The following CADM2 variants were observed in gnomAD, a reference collection of about 807,000 sequenced individuals.
CADM2 encodes cell adhesion molecule 2, also known as immunoglobulin superfamily member 4D.
In CADM2, 12 loss-of-function variants were observed where a neutral mutation model predicts 49.8. That is an observed-to-expected ratio of 0.24 (90% confidence interval 0.15 to 0.39). CADM2 has a LOEUF of 0.39. CADM2 is among the 10% of genes least tolerant of loss of function. The probability of loss-of-function intolerance (pLI) is 1.00; values close to 1 mark genes in which losing one functional copy is unlikely to be tolerated. For missense variants in CADM2, 378 were observed against 492.3 expected (o/e 0.77, Z 2.20); for synonymous variants, 214 against 175.4 (o/e 1.22, Z -1.74).
chr3:85,498,573 T>A (rs961334517), intron 1 of CADM2, among the ~76,000 whole-genome samples: 2 of 152,314 alleles, frequency 1.3e-5, no homozygotes, highest in African/African-American at 4.8e-5. Flanking sequence ...TGAAAACCGA[T>A]GTCTGATCAT....
At chr3:85,271,979 C>CA (rs924230765) in intron 1 of CADM2, among the ~76,000 whole-genome samples, 4 of 151,200 alleles carry the variant, frequency 2.6e-5, no homozygotes, top group African/African-American at 9.7e-5. Flanking sequence ...AACAATATCT[C>CA]AAAACCTGCC....
At chr3:85,288,739 A>G (rs147265778) in intron 1 of CADM2, among the ~76,000 whole-genome samples, 285 of 150,298 alleles carry the variant, frequency 1.9e-3, no homozygotes, top group African/African-American at 6.5e-3. Context: ...AGATACCTCA[A>G]TTAGAGGCAG....
chr3:85,820,261 A>C (rs1411061131), intron 3 of CADM2, among the ~76,000 whole-genome samples: 2 of 152,154 alleles, frequency 1.3e-5, no homozygotes, highest in African/African-American at 4.8e-5. Flanking sequence ...TTGAGATGAG[A>C]AACGAGCAGA....
chr3:85,602,922 G>A (rs563811113), intron 1 of CADM2, among the ~76,000 whole-genome samples: 11 of 151,724 alleles, frequency 7.3e-5, no homozygotes, highest in East Asian at 5.8e-4. Flanking sequence ...CACTTTTGCC[G>A]TATTTGTTCA....
intron 7 of CADM2, among the ~76,000 whole-genome samples, chr3:85,952,693 A>G (rs531328153): frequency 6.6e-6 from 1 of 151,054 alleles, no homozygotes; most frequent in African/African-American, 2.4e-5. Context: ...TCTCTTCCTT[A>G]ACACCATACA....
chr3:85,994,968 C>G (rs370218770), intron 8 of CADM2, among the ~76,000 whole-genome samples: 1 of 136,322 alleles, frequency 7.3e-6, no homozygotes, highest in African/African-American at 2.8e-5. Context: ...AAAAATGGTG[C>G]CAGCCGACTA....
intron 8 of CADM2, among the ~76,000 whole-genome samples, chr3:86,023,360 GTTTGTTTGTTTGT>G (rs1417843984): frequency 1.8e-4 from 16 of 89,796 alleles, no homozygotes; most frequent in African/African-American, 1.3e-3. Context: ...TTTTTTGTTT[GTTTGTTTGTTTGT>G]TTTGTTTTGT....
chr3:85,366,057 G>T (rs2032758844), intron 1 of CADM2, among the ~76,000 whole-genome samples: 1 of 152,144 alleles, frequency 6.6e-6, no homozygotes, highest in Non-Finnish European at 1.5e-5. Flanking sequence ...CTTCTTAGAA[G>T]TACAAGTAAA....
At position 86,066,717 on chromosome 3, in the gene CADM2, T is replaced by C. The variant is rs758778340; in HGVS notation, c.1149T>C (p.Asp383=). ...GAGCTGAAGATGCACCAGATGCTGA[T>C]ACAGCCATTATCAATGCTGAAGGCA... ...AKGAEDAPDA[D]TAIINAEGSQ... is the part of the protein sequence containing the mutation. The change falls in exon 10 of 10, where the codon GAT becomes GAC. Residue 383 remains aspartate, a synonymous_variant. Coordinates refer to ENST00000383699, the MANE Select transcript of CADM2 (RefSeq NM_001167675.2). 21 of 1,614,100 alleles carry C rather than the reference T, an allele frequency of 1.3e-5. No homozygotes were observed. Among genetic ancestry groups the C allele is most frequent in the Admixed American group, 6.7e-5 (4 of 60,028 alleles).
At chr3:85,136,302 C>T (rs563264868) in intron 1 of CADM2, among the ~76,000 whole-genome samples, 60 of 151,058 alleles carry the variant, frequency 4.0e-4, no homozygotes, top group African/African-American at 1.4e-3. Flanking sequence ...TTATTTATTT[C>T]CTGATAATCT....
intron 1 of CADM2, among the ~76,000 whole-genome samples, chr3:85,598,810 G>A (rs1480432065): frequency 6.6e-6 from 1 of 150,948 alleles, no homozygotes; most frequent in Non-Finnish European, 1.5e-5. Context: ...TATCTATATA[G>A]TGTATACATT....
intron 5 of CADM2, among the ~76,000 whole-genome samples, chr3:85,894,987 A>C (rs977645749): frequency 3.9e-5 from 6 of 152,198 alleles, no homozygotes; most frequent in African/African-American, 4.8e-5. Flanking sequence ...ATGTGGAAGG[A>C]TAATTGGGGT....
intron 5 of CADM2, 147 bp from the exon 6 acceptor site, chr3:85,912,226 T>A: frequency 1.7e-6 from 1 of 583,324 alleles, no homozygotes. Context: ...TTTAATTGAA[T>A]TGAAATAGAT....
chr3:85,617,843 A>C (rs2063841167), intron 1 of CADM2, among the ~76,000 whole-genome samples: 1 of 152,214 alleles, frequency 6.6e-6, no homozygotes, highest in African/African-American at 2.4e-5. Flanking sequence ...TCACAATTTC[A>C]CAAAAAGTGA....
At chr3:85,726,971 A>G (rs1253030359) in intron 2 of CADM2, among the ~76,000 whole-genome samples, 1 of 152,124 alleles carries the variant, frequency 6.6e-6, no homozygotes, top group African/African-American at 2.4e-5. Context: ...AAAACTGAAT[A>G]TTATAAGCTA....
At chr3:85,262,441 C>G (rs2043033031) in intron 1 of CADM2, among the ~76,000 whole-genome samples, 1 of 152,000 alleles carries the variant, frequency 6.6e-6, no homozygotes, top group African/African-American at 2.4e-5. Flanking sequence ...ATTCTTTATT[C>G]AATAATAGTC....
rs115241275 is a variant in CADM2, at chr3:85,396,736, C to T, written c.62-329786C>T. 3.5e-3 allele frequency among the ~76,000 whole-genome samples: 535 copies of T among 152,096 alleles called. 1 individual carries two copies. The Middle Eastern group carries it at 0.037, about 11-fold the overall frequency. On this transcript the variant is annotated intron_variant, in intron 1 of 9. Coordinates refer to ENST00000383699, the MANE Select transcript of CADM2 (RefSeq NM_001167675.2). ...TCCACATGCAAAAAATATAGTAGGG[C>T]TCATTTAATACCACATACAAAAATT...
At chr3:85,929,828 T>C (rs1481145470) in intron 6 of CADM2, among the ~76,000 whole-genome samples, 3 of 152,042 alleles carry the variant, frequency 2.0e-5, no homozygotes, top group Admixed American at 6.6e-5. Context: ...ATTATTGATA[T>C]CTTACTAAAA....
intron 1 of CADM2, among the ~76,000 whole-genome samples, chr3:85,045,054 G>A (rs1199391808): frequency 2.0e-5 from 3 of 151,944 alleles, no homozygotes; most frequent in African/African-American, 7.2e-5. Flanking sequence ...AGCCTCGATT[G>A]TTTATTGTTG....
Sources: allele counts gnomAD v4.1 joint callset (sites outside exome capture counted in the v4.1 genomes callset), GRCh38; gene constraint gnomAD v4.1.1; transcripts MANE v1.5; gene names NCBI Gene and HGNC (gene_info 2026-07-23, HGNC 2026-07-21).